WLS: variants seen among roughly 807,000 people sequenced by gnomAD.
WLS encodes the protein Wnt ligand secretion mediator, also known as protein wntless homolog.
WLS carries 23 observed loss-of-function variants against 62.8 expected under a neutral mutation model. The observed-to-expected ratio is 0.37, with a 90% confidence interval of 0.26 to 0.52. WLS has a LOEUF of 0.52. Among genes scored for constraint, WLS ranks in the 20% least tolerant of loss-of-function variants. WLS has a pLI of 0.92. For missense variants in WLS, 615 were observed against 697.3 expected (o/e 0.88, Z 1.33); for synonymous variants, 246 against 244.1 (o/e 1.01, Z -0.07).
intron 3 of WLS, among the ~76,000 whole-genome samples, chr1:68,155,720 G>C (rs1646887840): frequency 6.6e-6 from 1 of 152,078 alleles, no homozygotes; most frequent in South Asian, 2.1e-4. Flanking sequence ...TTTAATGACG[G>C]CTAATTATTC....
In WLS at chr1:68,137,841, G is replaced by A; in HGVS notation, c.1455C>T (p.Val485=). Residue 485 remains valine (V), a synonymous_variant, in exon 11 of 12, where the codon GTC becomes GTT. Transcript: ENST00000262348. ...TGIYGMWNLY[V]FALMFLYAPS... ...GTGCATACAAGAACATCAGAGCAAA[G>A]ACATACAGATTCCACATCCCATAGA... 6.2e-7 allele frequency: 1 copy of A among 1,614,010 alleles called. No individual in the cohort carries two copies. The highest frequency in any genetic ancestry group is 1.7e-5 in the Admixed American group (1 of 60,014).
intron 11 of WLS, among the ~76,000 whole-genome samples, chr1:68,106,270 A>C (rs1317095028): frequency 1.3e-5 from 2 of 152,202 alleles, no homozygotes; most frequent in Non-Finnish European, 2.9e-5. Context: ...CTCAATGGCC[A>C]GGAGGGGAGT....
intron 2 of WLS, among the ~76,000 whole-genome samples, chr1:68,193,398 T>TAAAA: frequency 0.013 from 194 of 15,440 alleles, 58 homozygotes; most frequent in East Asian, 0.032. Context: ...GCAAATAAGC[T>TAAAA]AAAAAAAAAA....
At chr1:68,150,086 G>C in intron 6 of WLS, 102 bp downstream of exon 6, 1 of 1,254,530 alleles carries the variant, frequency 8.0e-7, no homozygotes, top group East Asian at 2.3e-5. Context: ...AGTTTATTCT[G>C]TCTCACCCAC....
At chr1:68,172,946 G>A (rs1384889300) in intron 2 of WLS, among the ~76,000 whole-genome samples, 1 of 152,204 alleles carries the variant, frequency 6.6e-6, no homozygotes, top group Non-Finnish European at 1.5e-5. Flanking sequence ...TTTGCTTAGA[G>A]GATGTTAAAG....
chr1:68,198,534 CTA>C (rs969289912), intron 1 of WLS, among the ~76,000 whole-genome samples: 4 of 152,238 alleles, frequency 2.6e-5, no homozygotes, highest in African/African-American at 9.6e-5. Flanking sequence ...CCTGAAGTCT[CTA>C]TGAAAATTCA....
At chr1:68,226,642 G>A (rs1650151766) in intron 1 of WLS, among the ~76,000 whole-genome samples, 1 of 151,986 alleles carries the variant, frequency 6.6e-6, no homozygotes, top group Non-Finnish European at 1.5e-5. Context: ...CTTAGATGAC[G>A]AGGGGCTCTT....
At chr1:68,132,885 TG>T (rs1397484883) in intron 11 of WLS, among the ~76,000 whole-genome samples, 3 of 152,230 alleles carry the variant, frequency 2.0e-5, no homozygotes, top group Non-Finnish European at 4.4e-5. Context: ...GTTTTTCATG[TG>T]TGCAGGGCTT....
chr1:68,104,327 A>T (rs1008196522), intron 11 of WLS, among the ~76,000 whole-genome samples: 1 of 152,184 alleles, frequency 6.6e-6, no homozygotes, highest in African/African-American at 2.4e-5. Context: ...TTCTAGACTT[A>T]GCTAGTTATG....
intron 11 of WLS, among the ~76,000 whole-genome samples, chr1:68,130,128 C>T (rs563715511): frequency 6.6e-6 from 1 of 152,266 alleles, no homozygotes; most frequent in South Asian, 2.1e-4. Context: ...ATGAAGAAAG[C>T]CATATGCACT....
chr1:68,194,488 A>G (rs1174229826), intron 1 of WLS, among the ~76,000 whole-genome samples: 1 of 152,210 alleles, frequency 6.6e-6, no homozygotes, highest in East Asian at 1.9e-4. Flanking sequence ...GTCTAGTTAT[A>G]CTTCCCCACT....
intron 11 of WLS, chr1:68,127,035 A>AT: frequency 8.3e-6 from 3 of 363,376 alleles, no homozygotes; most frequent in South Asian, 2.0e-5. Context: ...TAAAAAAAAA[A>AT]TTTGTTTTAA....
In WLS at chr1:68,125,410, G is replaced by T. The variant is rs567534054; in HGVS notation, c.*816C>A. The T allele has an allele frequency of 3.4e-5, 33 of 958,386 alleles. No homozygotes were observed. Among genetic ancestry groups the T allele is most frequent in the Non-Finnish European group, 3.3e-5 (27 of 818,286 alleles). 59.4% of individuals were successfully genotyped at this position (958,386 alleles called of 1,614,324 possible). ...ATGTACACATATGCATATACATACA[G>T]GTTTATTTAAATGATTGGATCTACA... On this transcript the variant is annotated 3_prime_UTR_variant, in exon 12 of 12. Coordinates refer to ENST00000262348, the MANE Select transcript of WLS (RefSeq NM_024911.7).
intron 11 of WLS, among the ~76,000 whole-genome samples, chr1:68,131,024 C>T (rs1243077430): frequency 6.6e-6 from 1 of 150,866 alleles, no homozygotes; most frequent in East Asian, 1.9e-4. Context: ...TCCTGAGCAG[C>T]TGGGACTACA....
At chr1:68,132,524 G>A (rs1646542003) in intron 11 of WLS, among the ~76,000 whole-genome samples, 1 of 152,196 alleles carries the variant, frequency 6.6e-6, no homozygotes, top group Non-Finnish European at 1.5e-5. Flanking sequence ...CAAGGGGCAG[G>A]AGACCTCAGA....
intron 2 of WLS, among the ~76,000 whole-genome samples, chr1:68,188,407 T>C (rs1368908394): frequency 6.6e-6 from 1 of 152,216 alleles, no homozygotes; most frequent in Non-Finnish European, 1.5e-5. Context: ...AAGCTGTGGA[T>C]TTCATAAATG....
chr1:68,208,173 T>G (rs566576386), intron 1 of WLS, among the ~76,000 whole-genome samples: 26 of 152,382 alleles, frequency 1.7e-4, no homozygotes, highest in Admixed American at 8.5e-4. Flanking sequence ...AATTAACCCT[T>G]GGTTTTATCC....
At chr1:68,108,201 C>T (rs1051122148) in intron 11 of WLS, among the ~76,000 whole-genome samples, 2 of 152,112 alleles carry the variant, frequency 1.3e-5, no homozygotes, top group African/African-American at 4.8e-5. Context: ...TATGTTAGGA[C>T]AGGGAAGACT....
At chr1:68,130,512 C>A (rs1401475637) in intron 11 of WLS, among the ~76,000 whole-genome samples, 7 of 152,150 alleles carry the variant, frequency 4.6e-5, no homozygotes. Flanking sequence ...GTAGAATTTT[C>A]CCTAGGCCCA....
Sources: gnomAD v4.1 joint callset for allele counts (sites outside exome capture counted in the v4.1 genomes callset) on GRCh38, gnomAD v4.1.1 for gene constraint, MANE v1.5 for transcripts, NCBI Gene and HGNC (gene_info 2026-07-23, HGNC 2026-07-21) for gene names.